Variants in PLA2R1 observed in about 807,000 individuals in gnomAD.
PLA2R1 encodes the protein secretory phospholipase A2 receptor.
PLA2R1 carries 158 observed loss-of-function variants against 195.9 expected under a neutral mutation model. The ratio of observed to expected loss-of-function variants is 0.81; its 90% confidence interval spans 0.71 to 0.92. PLA2R1 has a LOEUF of 0.92. Ranked by LOEUF, PLA2R1 falls within the 40% of genes least tolerant of loss-of-function variation. PLA2R1 has a pLI of 0.00. For synonymous variants in PLA2R1, 586 were observed against 598.2 expected, an observed-to-expected ratio of 0.98 and a Z score of 0.30; for missense variants, 1,626 against 1,764.6, an observed-to-expected ratio of 0.92 and a Z score of 1.41.
chr2:160,054,477 T>C (rs963799917), intron 1 of PLA2R1, among the ~76,000 whole-genome samples: 36 of 152,218 alleles, frequency 2.4e-4, no homozygotes, highest in Non-Finnish European at 3.2e-4. Context: ...GTTTCCTGTT[T>C]ATATTTTCAT....
At chr2:159,996,212 G>C (rs1315263189) in intron 11 of PLA2R1, among the ~76,000 whole-genome samples, 2 of 151,846 alleles carry the variant, frequency 1.3e-5, no homozygotes, top group Non-Finnish European at 2.9e-5. Flanking sequence ...TGCAAGGTAG[G>C]TCTACTAGCA....
intron 6 of PLA2R1, among the ~76,000 whole-genome samples, chr2:160,024,596 T>C (rs909704833): frequency 3.9e-5 from 6 of 152,110 alleles, no homozygotes; most frequent in Admixed American, 3.9e-4. Flanking sequence ...AAAGCAGTCA[T>C]ACCCCCCAGC....
intron 11 of PLA2R1, among the ~76,000 whole-genome samples, chr2:160,002,786 T>TAC (rs1343058831): frequency 6.6e-6 from 1 of 152,090 alleles, no homozygotes. Flanking sequence ...TACCCAACAG[T>TAC]ACAAAGCTGG....
Position 159,949,522 on chromosome 2 carries a change from C to T in PLA2R1, c.3709+86G>A, listed in dbSNP as rs562712424. The stretch of plus-strand genomic sequence containing the variant: ...TTGAAGAGAGACTTCTTACTATACT[C>T]ATCCTCATATCCTTTGCTTAGCACA... On this transcript the variant is annotated intron_variant, in intron 25 of 29. Transcript: ENST00000283243. 188 of 926,826 alleles carry T rather than the reference C, an allele frequency of 2.0e-4. No homozygotes were observed. The South Asian group carries it at 3.1e-3, about 15-fold the overall frequency. 57.4% of individuals were successfully genotyped at this position (926,826 alleles called of 1,614,324 possible). A position where few individuals can be genotyped will look rare whatever the true frequency, so the allele number is the denominator to read the frequency against.
chr2:160,041,222 T>A (rs913573954), intron 3 of PLA2R1, among the ~76,000 whole-genome samples: 1 of 152,178 alleles, frequency 6.6e-6, no homozygotes, highest in East Asian at 1.9e-4. Context: ...ATTTTATATA[T>A]GTGGAGGGGA....
rs1574712801 is a variant in PLA2R1, at chr2:159,976,204, T to C, written c.2459A>G (p.Gln820Arg). 11 of 1,608,898 alleles carry C rather than the reference T, an allele frequency of 6.8e-6. No homozygotes were observed. The African/African-American group carries it at 8.0e-5, about 12-fold the overall frequency. The change falls in exon 17 of 30, where the codon CAG (glutamine) becomes CGG (arginine). Residue 820 changes from glutamine (Q) to arginine (R), a missense_variant. By Grantham distance (43) the Gln-to-Arg change is conservative. Coordinates refer to ENST00000283243, the MANE Select transcript of PLA2R1 (RefSeq NM_007366.5). Reference protein sequence around the residue: ...YQYDVPWLFYQDAEYLFHTFA... With the variant: ...YQYDVPWLFYRDAEYLFHTFA... ...GGTATGAAAAAGGTATTCTGCATCC[T>C]GATAAAAGAGCCAGGGTACATCTGA...
Position 160,062,522 on chromosome 2 carries a change from G to A in PLA2R1, c.-119C>T. 1 of 1,267,480 alleles carries A rather than the reference G, an allele frequency of 7.9e-7. No individual in the cohort carries two copies. Among genetic ancestry groups the A allele is most frequent in the Non-Finnish European group, 9.8e-7 (1 of 1,015,624 alleles). 78.5% of individuals were successfully genotyped at this position (1,267,480 alleles called of 1,614,324 possible). On this transcript the variant is annotated 5_prime_UTR_variant, in exon 1 of 30. Transcript: ENST00000283243. ...CGGAAGCGGATCCGTAGCCTCCTCC[G>A]CGCCCCACCCCCTCCGGGGGCCTTG...
intron 27 of PLA2R1, among the ~76,000 whole-genome samples, chr2:159,945,435 G>T (rs181215766): frequency 1.1e-3 from 173 of 151,628 alleles, no homozygotes; most frequent in African/African-American, 4.0e-3. Flanking sequence ...ACCTATGAGT[G>T]AGAATATGCA....
In PLA2R1 at chr2:159,941,852, G is replaced by A; in HGVS notation, c.4318C>T (p.Pro1440Ser). 6.2e-7 allele frequency: 1 copy of A among 1,612,854 alleles called. No homozygotes were observed. Among genetic ancestry groups the A allele is most frequent in the Non-Finnish European group, 8.5e-7 (1 of 1,178,938 alleles). ...RLAGFRNPYYPATNFSTVYLE... is the reference protein window; with the variant it reads ...RLAGFRNPYYSATNFSTVYLE... ...TATACTGTACTAAAGTTGGTTGCAG[G>A]ATAGTAAGGATTCCGAAACCCTGCA... Residue 1440 changes from proline (P) to serine (S), a missense_variant, in exon 30 of 30, where the codon CCT becomes TCT. Coordinates refer to ENST00000283243, the MANE Select transcript of PLA2R1 (RefSeq NM_007366.5).
In PLA2R1 at chr2:159,967,542, A is replaced by G; in HGVS notation, c.2901T>C (p.Tyr967=). 5 of 1,612,942 alleles carry G rather than the reference A, an allele frequency of 3.1e-6. No homozygotes were observed. In the African/African-American group the frequency reaches 4.0e-5, roughly 13 times the overall value. ...TCPKGWLYFN[Y]KCLLLNIPKD... ...AACTTTTGAAAAACAAGCTTACCTT[A>G]TAGTTAAAATATAGCCATCCTTTGG... Residue 967 remains tyrosine, a synonymous_variant, in exon 20 of 30, where the codon TAT becomes TAC. Coordinates refer to ENST00000283243, the MANE Select transcript of PLA2R1 (RefSeq NM_007366.5).
At position 159,935,746 on chromosome 2, in the gene PLA2R1, C is replaced by T. The variant is rs547350941; in HGVS notation, c.*6032G>A. 2.6e-5 allele frequency: 4 copies of T among 152,208 alleles called. No individual in the cohort carries two copies. The highest frequency in any genetic ancestry group is 9.6e-5 in the African/African-American group (4 of 41,534). 9.4% of individuals were successfully genotyped at this position (152,208 alleles called of 1,614,324 possible). A position where few individuals can be genotyped will look rare whatever the true frequency, so the allele number is the denominator to read the frequency against. ...GTTCCTTTGACTGGAGATACTACAA[C>T]AATTTGAATTCTATCATAATCTATT... On this transcript the variant is annotated 3_prime_UTR_variant, in exon 30 of 30. Coordinates refer to ENST00000283243, the MANE Select transcript of PLA2R1 (RefSeq NM_007366.5).
In PLA2R1 at chr2:159,939,979, C is replaced by G. The variant is rs1687016868; in HGVS notation, c.*1799G>C. ...TAAAAAAATTATGGAGGTAGACTGTCCCAGTGTGTAAATTATTATAACAGT... is the reference window on the plus strand; with the variant it reads ...TAAAAAAATTATGGAGGTAGACTGTGCCAGTGTGTAAATTATTATAACAGT... On this transcript the variant is annotated 3_prime_UTR_variant, in exon 30 of 30. Coordinates refer to ENST00000283243, the MANE Select transcript of PLA2R1 (RefSeq NM_007366.5). The G allele has an allele frequency of 6.6e-6, 1 of 152,186 alleles. No homozygotes were observed. Among genetic ancestry groups the G allele is most frequent in the African/African-American group, 2.4e-5 (1 of 41,460 alleles). 9.4% of individuals were successfully genotyped at this position (152,186 alleles called of 1,614,324 possible).
rs1280117447 is a variant in PLA2R1, at chr2:159,970,207, T to A, written c.2601A>T (p.Ser867=). ...EFIHSKIKAL[S]KYGASWWIGL... is the part of the protein sequence containing the mutation. ...CAATCCACCAACTTGCACCATACTTTGATAGCTATTGAAAGAAAAAAAGTC... is the reference window on the plus strand; with the variant it reads ...CAATCCACCAACTTGCACCATACTTAGATAGCTATTGAAAGAAAAAAAGTC... The change falls in exon 18 of 30, where the codon TCA becomes TCT. Residue 867 remains serine, a synonymous_variant. Coordinates refer to ENST00000283243, the MANE Select transcript of PLA2R1 (RefSeq NM_007366.5). 6.2e-7 allele frequency: 1 copy of A among 1,607,038 alleles called. No individual in the cohort carries two copies. The highest frequency in any genetic ancestry group is 2.2e-5 in the East Asian group (1 of 44,714).
At chr2:160,050,943 TAGTG>T (rs1056583992) in intron 1 of PLA2R1, among the ~76,000 whole-genome samples, 1 of 152,204 alleles carries the variant, frequency 6.6e-6, no homozygotes, top group African/African-American at 2.4e-5. Flanking sequence ...TACTTGCCTT[TAGTG>T]TTCCCTTTAG....
Position 159,976,186 on chromosome 2 carries a change from A to G in PLA2R1, c.2477T>C (p.Phe826Ser). 1 of 1,611,690 alleles carries G rather than the reference A, an allele frequency of 6.2e-7. No homozygotes were observed. The highest frequency in any genetic ancestry group is 2.2e-5 in the East Asian group (1 of 44,808). ...CAACCATTCTGAGGCAAAGGTATGA[A>G]AAAGGTATTCTGCATCCTGATAAAA... ...WLFYQDAEYL[F>S]HTFASEWLNF... is the part of the protein sequence containing the mutation. The change falls in exon 17 of 30, where the codon TTT becomes TCT. Residue 826 changes from phenylalanine to serine, a missense_variant. Transcript: ENST00000283243.
intron 24 of PLA2R1, among the ~76,000 whole-genome samples, chr2:159,950,887 A>G (rs937442711): frequency 5.9e-5 from 9 of 152,236 alleles, no homozygotes; most frequent in African/African-American, 2.2e-4. Context: ...CCACATCCCT[A>G]GAGGAAAATA....
At chr2:160,043,660 C>A (rs545626970) in intron 2 of PLA2R1, among the ~76,000 whole-genome samples, 2 of 152,164 alleles carry the variant, frequency 1.3e-5, no homozygotes, top group Non-Finnish European at 2.9e-5. Flanking sequence ...CCAGAATCTT[C>A]CCCTGCATGC....
At chr2:160,024,117 T>C (rs1169029844) in intron 6 of PLA2R1, among the ~76,000 whole-genome samples, 1 of 152,184 alleles carries the variant, frequency 6.6e-6, no homozygotes, top group African/African-American at 2.4e-5. Context: ...GTTCTGATGC[T>C]GCACCCTGTC....
At chr2:159,924,084 G>A in the PLA2R1 span, among the ~76,000 whole-genome samples, 2 of 152,110 alleles carry the variant, frequency 1.3e-5, no homozygotes, top group African/African-American at 2.4e-5. Context: ...CCAGCTTCTG[G>A]GGTCTACCAG....
Sources: gnomAD v4.1 joint callset for allele counts (sites outside exome capture counted in the v4.1 genomes callset) on GRCh38, gnomAD v4.1.1 for gene constraint, MANE v1.5 for transcripts, NCBI Gene and HGNC (gene_info 2026-07-23, HGNC 2026-07-21) for gene names.